The following KPNA1 variants were observed in gnomAD, a reference collection of about 807,000 sequenced individuals.
The protein encoded by KPNA1 is importin subunit alpha-5.
A neutral mutation model predicts 70.5 loss-of-function variants in KPNA1; 10 were observed. The ratio of observed to expected loss-of-function variants is 0.14; its 90% CI spans 0.09 to 0.24. The LOEUF (loss-of-function observed/expected upper bound fraction) is 0.24. Ranked by LOEUF, KPNA1 falls within the 10% of genes least tolerant of loss-of-function variation. KPNA1 has a pLI of 1.00. For synonymous variants in KPNA1, 192 were observed against 221.9 expected, an observed-to-expected ratio of 0.87 and a Z score of 1.20; for missense variants, 397 against 637.9, an observed-to-expected ratio of 0.62 and a Z score of 4.07.
In KPNA1 at chr3:122,440,559, T is replaced by C. The variant is rs181743529; in HGVS notation, c.996+1479A>G. ...AATTCAGAGGGTATAAAAGACTCCA[T>C]AGTTGTTAAAAGCCTCTTTCCCCTT... On this transcript the variant is annotated intron_variant, in intron 10 of 13. Coordinates refer to ENST00000344337, the MANE Select transcript of KPNA1 (RefSeq NM_002264.4). Among the ~76,000 whole-genome samples the C allele has an allele frequency of 7.2e-5, 11 of 152,262 alleles. No individual in the cohort carries two copies. The East Asian group carries it at 1.5e-3, about 21-fold the overall frequency.
Position 122,423,670 on chromosome 3 carries a change from G to A in KPNA1, c.*3315C>T, listed in dbSNP as rs1346679220. 4 of 152,618 alleles carry A rather than the reference G, an allele frequency of 2.6e-5. No individual in the cohort carries two copies. The highest frequency in any genetic ancestry group is 4.4e-5 in the Non-Finnish European group (3 of 68,030). 9.5% of individuals were successfully genotyped at this position (152,618 alleles called of 1,614,324 possible). On this transcript the variant is annotated 3_prime_UTR_variant, in exon 14 of 14. Coordinates refer to ENST00000344337, the MANE Select transcript of KPNA1 (RefSeq NM_002264.4). ...GCACTAGAGAAGTAAATTCAAAGTTGCCTGTGGGTAGACGTACAATAGAAT... is the reference window on the plus strand; with the variant it reads ...GCACTAGAGAAGTAAATTCAAAGTTACCTGTGGGTAGACGTACAATAGAAT...
intron 12 of KPNA1, among the ~76,000 whole-genome samples, chr3:122,430,354 G>T (rs1576272144): frequency 6.6e-6 from 1 of 151,862 alleles, no homozygotes; most frequent in Non-Finnish European, 1.5e-5. Flanking sequence ...TGAAGGTTGG[G>T]GATGTTTCCT....
chr3:122,464,558 C>T (rs955301498), intron 3 of KPNA1, among the ~76,000 whole-genome samples: 2 of 152,194 alleles, frequency 1.3e-5, no homozygotes, highest in African/African-American at 2.4e-5. Context: ...ACTGTAAATG[C>T]TCTGCAATAC....
At chr3:122,458,822 C>T (rs958447438) in intron 5 of KPNA1, among the ~76,000 whole-genome samples, 1 of 152,106 alleles carries the variant, frequency 6.6e-6, no homozygotes, top group African/African-American at 2.4e-5. Context: ...TATATTTGCC[C>T]CCTTGCTTCT....
At chr3:122,514,028 C>T (rs2076985989) in intron 1 of KPNA1, among the ~76,000 whole-genome samples, 1 of 152,228 alleles carries the variant, frequency 6.6e-6, no homozygotes, top group African/African-American at 2.4e-5. Context: ...TGACGACTTC[C>T]TTGACTCCAG....
chr3:122,514,153 C>T (rs2076987995), intron 1 of KPNA1, among the ~76,000 whole-genome samples: 1 of 152,154 alleles, frequency 6.6e-6, no homozygotes, highest in Non-Finnish European at 1.5e-5. Context: ...ACCACACCCC[C>T]GATCAGCCGC....
intron 11 of KPNA1, among the ~76,000 whole-genome samples, chr3:122,434,606 T>C (rs764976760): frequency 2.0e-5 from 3 of 151,968 alleles, no homozygotes; most frequent in Non-Finnish European, 4.4e-5. Context: ...ATTTTTAAAA[T>C]CCTGAGTCCA....
intron 2 of KPNA1, among the ~76,000 whole-genome samples, chr3:122,478,187 AG>A (rs2076526105): frequency 6.6e-6 from 1 of 150,402 alleles, no homozygotes. Flanking sequence ...GAAAAGAAAA[AG>A]AAAAAGAAAA....
At position 122,436,544 on chromosome 3, in the gene KPNA1, C is replaced by T. The variant is rs977634375; in HGVS notation, c.1122+626G>A. Among the ~76,000 whole-genome samples, 8 of 152,258 alleles carry T rather than the reference C, an allele frequency of 5.3e-5. No individual in the cohort carries two copies. In the South Asian group the frequency reaches 1.0e-3, roughly 20 times the overall value. ...CTTTCCCTTTATTTCTCAGACCGGC[C>T]GACACTTAGGGAAAACAGAAAAGAA... On this transcript the variant is annotated intron_variant, in intron 11 of 13. Coordinates refer to ENST00000344337, the MANE Select transcript of KPNA1 (RefSeq NM_002264.4).
chr3:122,512,011 T>C (rs994830103), intron 1 of KPNA1, among the ~76,000 whole-genome samples: 2 of 148,434 alleles, frequency 1.3e-5, no homozygotes, highest in Non-Finnish European at 3.0e-5. Flanking sequence ...AAAAGGACCA[T>C]TGAGAGCAAC....
At position 122,514,925 on chromosome 3, in the gene KPNA1, C is replaced by T. The variant is rs1445781435; in HGVS notation, c.-174G>A. 6.6e-6 allele frequency: 1 copy of T among 152,296 alleles called. No individual in the cohort carries two copies. Among genetic ancestry groups the T allele is most frequent in the Non-Finnish European group, 1.5e-5 (1 of 68,080 alleles). The allele number at this position is 152,296 out of a possible 1,614,324, so 9.4% of individuals were successfully genotyped here. A position where few individuals can be genotyped will look rare whatever the true frequency, so the allele number is the denominator to read the frequency against. ...ACCGAGCAGCGAGACTCAGCTCAGCCGGCGTTCGCAGTGCGCCTGCGTGCG... is the reference window on the plus strand; with the variant it reads ...ACCGAGCAGCGAGACTCAGCTCAGCTGGCGTTCGCAGTGCGCCTGCGTGCG... On this transcript the variant is annotated 5_prime_UTR_variant, in exon 1 of 14. Coordinates refer to ENST00000344337, the MANE Select transcript of KPNA1 (RefSeq NM_002264.4).
intron 2 of KPNA1, among the ~76,000 whole-genome samples, 199 bp from the exon 3 acceptor site, chr3:122,467,628 C>A (rs747064003): frequency 3.4e-5 from 5 of 148,420 alleles, no homozygotes; most frequent in African/African-American, 7.3e-5. Flanking sequence ...ACTATTACAA[C>A]ATGCTATAAA....
At chr3:122,457,925 G>A (rs2076282315) in intron 5 of KPNA1, 1 of 1,195,638 alleles carries the variant, frequency 8.4e-7, no homozygotes, top group Non-Finnish European at 1.1e-6. Context: ...AACAGTGCCT[G>A]AGTCATCTGA....
intron 9 of KPNA1, among the ~76,000 whole-genome samples, chr3:122,447,157 C>G (rs2076148966): frequency 1.3e-5 from 2 of 152,182 alleles, no homozygotes; most frequent in South Asian, 4.1e-4. Context: ...GGAATCCTAC[C>G]TAACTCATTT....
At chr3:122,473,160 C>T (rs1364596471) in intron 2 of KPNA1, among the ~76,000 whole-genome samples, 4 of 152,074 alleles carry the variant, frequency 2.6e-5, no homozygotes, top group Non-Finnish European at 5.9e-5. Flanking sequence ...GAACCACTTC[C>T]CTGAAAGCCA....
At chr3:122,496,415 T>C in intron 2 of KPNA1, 22 bp downstream of exon 2, 1 of 1,601,024 alleles carries the variant, frequency 6.2e-7, no homozygotes, top group Non-Finnish European at 8.5e-7. Context: ...TTAAAAGAAA[T>C]GAATAAAGGT....
intron 5 of KPNA1, among the ~76,000 whole-genome samples, chr3:122,455,686 G>C (rs557468469): frequency 6.6e-6 from 1 of 152,172 alleles, no homozygotes; most frequent in Non-Finnish European, 1.5e-5. Flanking sequence ...CTCCCAAGTA[G>C]CTGGGATTAC....
chr3:122,493,527 G>A (rs1332964242), intron 2 of KPNA1, among the ~76,000 whole-genome samples: 2 of 152,152 alleles, frequency 1.3e-5, no homozygotes, highest in East Asian at 1.9e-4. Flanking sequence ...AAAGCCTCAG[G>A]AATTTTTCTT....
chr3:122,497,485 A>G (rs190758467), intron 1 of KPNA1, among the ~76,000 whole-genome samples: 5 of 152,356 alleles, frequency 3.3e-5, no homozygotes, highest in African/African-American at 1.2e-4. Context: ...TTAATTGCTT[A>G]AGAAACTGCT....
Sources: allele counts gnomAD v4.1 joint callset (sites outside exome capture counted in the v4.1 genomes callset), GRCh38; gene constraint gnomAD v4.1.1; transcripts MANE v1.5; gene names NCBI Gene and HGNC (gene_info 2026-07-23, HGNC 2026-07-21).